The following MYH10 variants were observed in gnomAD, a reference collection of about 807,000 sequenced individuals.
The protein encoded by MYH10 is myosin heavy chain 10.
Under a neutral mutation model 257.8 loss-of-function variants are expected in MYH10, and 55 were observed. That is an observed-to-expected ratio of 0.21 (90% CI 0.17 to 0.27). MYH10 has a LOEUF of 0.27. Among genes scored for constraint, MYH10 ranks in the 10% least tolerant of loss-of-function variants. The pLI, the probability that MYH10 is intolerant of heterozygous loss-of-function variation, is 1.00. For missense variants in MYH10, 1,631 were observed against 2,500.6 expected (o/e 0.65, Z 7.42); for synonymous variants, 854 against 921.7 (o/e 0.93, Z 1.33).
rs762652526 is a variant in MYH10 at position 8,569,852 on chromosome 17, C to T, written c.664-40G>A. The stretch of plus-strand genomic sequence containing the variant: ...ACACACACAAATAAAAGCAGATGTA[C>T]GTTAATCTAATGTCTTTACTCAAGT... On this transcript the variant is annotated intron_variant, in intron 6 of 42. Coordinates refer to ENST00000360416, the MANE Select transcript of MYH10 (RefSeq NM_001256012.3). This position sits in a 1 kb window ranked among gnomAD's most constrained non-coding sequence, Gnocchi z 4.1. 20 of 1,452,498 alleles carry T rather than the reference C, an allele frequency of 1.4e-5. No homozygotes were observed. The Middle Eastern group carries it at 5.5e-4, about 40-fold the overall frequency. The allele number at this position is 1,452,498 out of a possible 1,614,324, so 90.0% of individuals were successfully genotyped here.
chr17:8,580,880 T>C (rs956270801), intron 4 of MYH10, among the ~76,000 whole-genome samples: 1 of 151,988 alleles, frequency 6.6e-6, no homozygotes, highest in African/African-American at 2.4e-5. Flanking sequence ...TATTAGATTA[T>C]AAGGATATAA....
At chr17:8,624,588 A>G (rs1247833309) in intron 1 of MYH10, among the ~76,000 whole-genome samples, 1 of 152,210 alleles carries the variant, frequency 6.6e-6, no homozygotes, top group Non-Finnish European at 1.5e-5. Context: ...AAAGTAGTCT[A>G]AGGTTGTTAA....
At chr17:8,480,706 C>T (rs1220326648) in intron 38 of MYH10, 181 bp from the exon 39 acceptor site, 3 of 757,952 alleles carry the variant, frequency 4.0e-6, no homozygotes, top group Non-Finnish European at 6.5e-6. Context: ...TTCCAAACAC[C>T]CTCCCCCGCT....
At chr17:8,618,791 T>C (rs2085359375) in intron 2 of MYH10, among the ~76,000 whole-genome samples, 1 of 152,206 alleles carries the variant, frequency 6.6e-6, no homozygotes, top group Non-Finnish European at 1.5e-5. Context: ...ATTATCACCA[T>C]CTATCATATC....
chr17:8,590,738 T>A (rs2084096763), intron 3 of MYH10, among the ~76,000 whole-genome samples: 1 of 152,114 alleles, frequency 6.6e-6, no homozygotes, highest in East Asian at 1.9e-4. Context: ...TCACACTATA[T>A]CCTTTCTTCC....
Position 8,481,347 on chromosome 17 carries a change from C to T in MYH10, c.5239G>A (p.Glu1747Lys). ...TTGCCAGAGGCGCTGTTGGTGATCTCGTCCGCCAGCTCATCTCTCTCCTGC... is the reference window on the plus strand; with the variant it reads ...TTGCCAGAGGCGCTGTTGGTGATCTTGTCCGCCAGCTCATCTCTCTCCTGC... ...AEQERDELAD[E>K]ITNSASGKSA... is the part of the protein sequence containing the mutation. The change falls in exon 38 of 43, where the codon GAG becomes AAG. Residue 1747 changes from glutamate (E) to lysine (K), a missense_variant. This residue lies in a region of MYH10 where 343 missense variants were observed against 389.5 expected (regional missense o/e 0.88). Coordinates refer to ENST00000360416, the MANE Select transcript of MYH10 (RefSeq NM_001256012.3). The T allele has an allele frequency of 1.9e-6, 3 of 1,614,044 alleles. No homozygotes were observed. Among genetic ancestry groups the T allele is most frequent in the African/African-American group, 1.3e-5 (1 of 75,074 alleles).
intron 2 of MYH10, among the ~76,000 whole-genome samples, chr17:8,610,721 G>T (rs915715293): frequency 3.3e-5 from 5 of 152,290 alleles, no homozygotes; most frequent in African/African-American, 1.2e-4. Flanking sequence ...TTCTCCCATG[G>T]AATGATGCCG....
intron 4 of MYH10, among the ~76,000 whole-genome samples, chr17:8,578,277 C>T (rs1181984690): frequency 2.4e-5 from 3 of 127,190 alleles, no homozygotes; most frequent in African/African-American, 8.9e-5. Context: ...AAGTCTTGCT[C>T]TGTTGCCCAG....
Position 8,535,303 on chromosome 17 carries a change from A to G in MYH10, c.1894+84T>C, listed in dbSNP as rs1469544911. On this transcript the variant is annotated intron_variant, in intron 16 of 42. Transcript: ENST00000360416. The surrounding 1 kb of genome is among the most constrained non-coding windows in gnomAD (Gnocchi z 4.3). Reference sequence around the variant, plus strand: ...TTAAAGTAAGAAGTTATATGTATCCATATATATGTAAAAGAACCATCTATA... The same window carrying G: ...TTAAAGTAAGAAGTTATATGTATCCGTATATATGTAAAAGAACCATCTATA... 2 of 964,110 alleles carry G rather than the reference A, an allele frequency of 2.1e-6. No individual in the cohort carries two copies. Among genetic ancestry groups the G allele is most frequent in the Non-Finnish European group, 3.1e-6 (2 of 640,798 alleles). 59.7% of individuals were successfully genotyped at this position (964,110 alleles called of 1,614,324 possible). A position where few individuals can be genotyped will look rare whatever the true frequency, so the allele number is the denominator to read the frequency against.
intron 3 of MYH10, among the ~76,000 whole-genome samples, chr17:8,604,077 G>A (rs1310873441): frequency 6.6e-6 from 1 of 152,016 alleles, no homozygotes; most frequent in Non-Finnish European, 1.5e-5. Context: ...TCTGAAGATT[G>A]TGGAACGATT....
At chr17:8,563,389 T>A (rs1567905785) in intron 7 of MYH10, among the ~76,000 whole-genome samples, 1 of 152,108 alleles carries the variant, frequency 6.6e-6, no homozygotes, top group Non-Finnish European at 1.5e-5. Context: ...ATATATTAAC[T>A]TCAAATAGAG....
chr17:8,515,222 C>T (rs1235628682), intron 21 of MYH10, among the ~76,000 whole-genome samples: 1 of 152,058 alleles, frequency 6.6e-6, no homozygotes, highest in Non-Finnish European at 1.5e-5. Context: ...ATAGGACTCT[C>T]CTGGGAAAGA....
At chr17:8,513,978 G>T in intron 21 of MYH10, 84 bp from the exon 22 acceptor site, 1 of 1,156,474 alleles carries the variant, frequency 8.6e-7, no homozygotes. Context: ...CTAAAGGCCC[G>T]TGTTCTTCTT....
At chr17:8,513,117 A>G (rs549912470) in intron 23 of MYH10, among the ~76,000 whole-genome samples, 1 of 152,342 alleles carries the variant, frequency 6.6e-6, no homozygotes, top group South Asian at 2.1e-4. Context: ...TTCCCAGAAG[A>G]GGGACACACA....
chr17:8,521,401 G>A (rs1227377321), intron 17 of MYH10, 116 bp from the exon 18 acceptor site: 9 of 1,078,974 alleles, frequency 8.3e-6, no homozygotes, highest in Non-Finnish European at 1.2e-5. Context: ...GACAGGAGAT[G>A]CCATATAGGT....
intron 13 of MYH10, among the ~76,000 whole-genome samples, chr17:8,543,066 T>C (rs919201487): frequency 3.3e-5 from 5 of 152,222 alleles, no homozygotes; most frequent in African/African-American, 9.6e-5. Context: ...GGTGAATTAA[T>C]AGGTATAATT....
chr17:8,543,985 T>C (rs1402889981), intron 13 of MYH10, among the ~76,000 whole-genome samples: 1 of 152,188 alleles, frequency 6.6e-6, no homozygotes, highest in East Asian at 1.9e-4. Context: ...ATGCTATGCA[T>C]TAAGAAATGT....
chr17:8,606,477 T>C (rs1321159466), intron 2 of MYH10, among the ~76,000 whole-genome samples: 1 of 152,180 alleles, frequency 6.6e-6, no homozygotes, highest in African/African-American at 2.4e-5. Flanking sequence ...TGGTACTGTA[T>C]GGCCAGCTTC....
intron 17 of MYH10, among the ~76,000 whole-genome samples, chr17:8,528,650 G>T (rs2081926517): frequency 6.6e-6 from 1 of 152,058 alleles, no homozygotes; most frequent in Non-Finnish European, 1.5e-5. Context: ...CTTTAGAGAG[G>T]TGCTTACCAT....
Sources: allele counts gnomAD v4.1 joint callset (sites outside exome capture counted in the v4.1 genomes callset), GRCh38; gene constraint gnomAD v4.1.1; regional missense constraint gnomAD v4.1.1; non-coding constraint Gnocchi (gnomAD v3.1); transcripts MANE v1.5; gene names NCBI Gene and HGNC (gene_info 2026-07-23, HGNC 2026-07-21).